AKR1C3: variants seen among roughly 807,000 people sequenced by gnomAD.
AKR1C3 encodes the protein 3-alpha hydroxysteroid dehydrogenase, type II.
AKR1C3 carries 48 observed loss-of-function variants against 43.6 expected under a neutral mutation model. The ratio of observed to expected loss-of-function variants is 1.10; its 90% CI spans 0.87 to 1.40. The LOEUF is 1.40. Among genes scored for constraint, AKR1C3 ranks in the 40% most tolerant of loss-of-function variants. The probability of loss-of-function intolerance (pLI) is 0.00; values close to 1 mark genes in which losing one functional copy is unlikely to be tolerated. For missense variants in AKR1C3, 482 were observed against 391.2 expected (o/e 1.23, Z -1.96); for synonymous variants, 162 against 139.6 (o/e 1.16, Z -1.13).
chr10:5,082,994 T>C (rs951072225), intron 1 of AKR1C3, among the ~76,000 whole-genome samples: 1 of 152,182 alleles, frequency 6.6e-6, no homozygotes, highest in Non-Finnish European at 1.5e-5. Context: ...TTACTCATTA[T>C]GGGTCTGCTC....
At chr10:5,103,398 C>T (rs912318211) in intron 7 of AKR1C3, among the ~76,000 whole-genome samples, 4 of 151,960 alleles carry the variant, frequency 2.6e-5, no homozygotes, top group Non-Finnish European at 5.9e-5. Context: ...CATAATTATA[C>T]TATTAAATAG....
rs193156603 is a variant in AKR1C3 at position 5,052,365 on chromosome 10, G to A, written c.84+3470G>A. On this transcript the variant is annotated intron_variant, in intron 1 of 8. Coordinates refer to the AKR1C3 transcript ENST00000439082. ...TGAAATAACAAAGCTTCCACAGTGT[G>A]GAAGGGGACCTGAGCAGGTTGCCAC... 2.6e-4 allele frequency among the ~76,000 whole-genome samples: 39 copies of A among 152,334 alleles called. 1 individual carries two copies. Among genetic ancestry groups the A allele is most frequent in the Middle Eastern group, 6.8e-3 (2 of 294 alleles).
At chr10:5,055,424 T>G (rs543379728) in intron 1 of AKR1C3, among the ~76,000 whole-genome samples, 1 of 152,216 alleles carries the variant, frequency 6.6e-6, no homozygotes, top group Non-Finnish European at 1.5e-5. Flanking sequence ...AGTAGGCAGT[T>G]GTCTGACAGC....
At chr10:5,099,553 A>AAGATTATCTAGAGAGCAAAGCTTC in intron 5 of AKR1C3, 104 bp downstream of exon 5, 2 of 1,561,914 alleles carry the variant, frequency 1.3e-6, no homozygotes, top group Middle Eastern at 1.7e-4. Context: ...TGTGAAGTAG[A>AAGATTATCTAGAGAGCAAAGCTTC]AGATTATCTA....
intron 1 of AKR1C3, among the ~76,000 whole-genome samples, chr10:5,079,775 C>T (rs1250681082): frequency 6.6e-6 from 1 of 152,116 alleles, no homozygotes. Flanking sequence ...GTGAGGAAAT[C>T]TTCAATCATC....
Position 5,105,657 on chromosome 10 carries a change from C to T in AKR1C3, c.909C>T (p.Leu303=), listed in dbSNP as rs782173138. ...CCATAGATGGCCTAGACAGAAATCT[C>T]CACTATTTTAACAGTGATAGGTAAG... ...MKAIDGLDRN[L]HYFNSDSFAS... Residue 303 remains leucine, a synonymous_variant, in exon 8 of 9, where the codon CTC becomes CTT. Coordinates refer to ENST00000380554, the MANE Select transcript of AKR1C3 (RefSeq NM_003739.6). 1 of 1,613,574 alleles carries T rather than the reference C, an allele frequency of 6.2e-7. No individual in the cohort carries two copies.
In AKR1C3 at chr10:5,097,477, T is replaced by A. The variant is rs782433833; in HGVS notation, c.296T>A (p.Leu99Ter). 1.2e-6 allele frequency: 2 copies of A among 1,613,872 alleles called. No individual in the cohort carries two copies. Among genetic ancestry groups the A allele is most frequent in the Non-Finnish European group, 1.7e-6 (2 of 1,179,814 alleles). The change falls in exon 3 of 9, where the codon TTG becomes TAG. Residue 99 changes from leucine to a stop codon, truncating the protein, a stop_gained. Coordinates refer to ENST00000380554, the MANE Select transcript of AKR1C3 (RefSeq NM_003739.6). LOFTEE classifies it high-confidence loss of function. Reference sequence around the variant, plus strand: ...CGACCAGAGTTGGTCCGACCAGCCTTGGAAAACTCACTGAAGAAAGCTCAA... The same window carrying A: ...CGACCAGAGTTGGTCCGACCAGCCTAGGAAAACTCACTGAAGAAAGCTCAA... ...FHRPELVRPA[L>*]ENSLKKAQLD... is the part of the protein sequence containing the mutation.
chr10:5,099,648 G>A, intron 5 of AKR1C3, 199 bp downstream of exon 5: 2 of 915,688 alleles, frequency 2.2e-6, no homozygotes, highest in South Asian at 3.6e-5. Context: ...ATTGGAATGA[G>A]TTTAATGCTG....
Position 5,074,138 on chromosome 10 carries a change from G to A in AKR1C3, c.85-22272G>A, listed in dbSNP as rs531091056. On this transcript the variant is annotated intron_variant, in intron 1 of 8. Transcript: ENST00000439082. ...CCACTTCAAGTTGTCCCACCTTTCC[G>A]GACTGAACCAATGTTCATCATACAT... Among the ~76,000 whole-genome samples the A allele has an allele frequency of 7.2e-5, 11 of 152,112 alleles. No individual in the cohort carries two copies. The South Asian group carries it at 8.3e-4, about 12-fold the overall frequency.
chr10:5,094,742 T>C (rs554314495), intron 1 of AKR1C3, among the ~76,000 whole-genome samples: 2 of 152,222 alleles, frequency 1.3e-5, no homozygotes, highest in East Asian at 3.9e-4. Flanking sequence ...TTGTGCACTG[T>C]TTCTTTCTTC....
upstream of AKR1C3, among the ~76,000 whole-genome samples, chr10:5,089,756 C>T (rs374106058): frequency 5.7e-4 from 86 of 152,160 alleles, no homozygotes; most frequent in African/African-American, 2.0e-3. Flanking sequence ...TGATTAGAGT[C>T]CATTGCTGGA....
upstream of AKR1C3, among the ~76,000 whole-genome samples, chr10:5,092,483 C>CTTTT (rs35143522): frequency 8.9e-5 from 12 of 134,388 alleles, no homozygotes; most frequent in East Asian, 2.6e-3. Context: ...TCTCTTTACT[C>CTTTT]TTTTTTTTTT....
At position 5,103,546 on chromosome 10, in the gene AKR1C3, T is replaced by C. The variant is rs782456549; in HGVS notation, c.846+896T>C. On this transcript the variant is annotated intron_variant, in intron 7 of 8. Transcript: ENST00000380554. ...CTGTTCTTGGCTGGGCTCTCTCATGTGTTTGCAGGACAACGAGATAGCTCT... is the reference window on the plus strand; with the variant it reads ...CTGTTCTTGGCTGGGCTCTCTCATGCGTTTGCAGGACAACGAGATAGCTCT... Among the ~76,000 whole-genome samples the C allele has an allele frequency of 2.0e-5, 3 of 152,194 alleles. No individual in the cohort carries two copies. The South Asian group carries it at 6.2e-4, about 31-fold the overall frequency.
At position 5,097,255 on chromosome 10, in the gene AKR1C3, A is replaced by C. The variant is rs550713570; in HGVS notation, c.253-179A>C. Among the ~76,000 whole-genome samples, 3 of 152,286 alleles carry C rather than the reference A, an allele frequency of 2.0e-5. No individual in the cohort carries two copies. In the East Asian group the frequency reaches 5.8e-4, roughly 29 times the overall value. On this transcript the variant is annotated intron_variant, in intron 2 of 8. Transcript: ENST00000380554. ...GATGTACAAACTATACATCCAACGT[A>C]TAATAAAGTTTATAAGGATAGGTCA... is the stretch of plus-strand genomic sequence containing the variant.
At chr10:5,059,739 C>T (rs868974610) in intron 1 of AKR1C3, among the ~76,000 whole-genome samples, 3 of 152,062 alleles carry the variant, frequency 2.0e-5, no homozygotes, top group African/African-American at 7.2e-5. Context: ...CAGTGCTTGG[C>T]GATAGGCGAT....
chr10:5,104,775 C>T (rs1436230063), intron 7 of AKR1C3, among the ~76,000 whole-genome samples: 3 of 151,988 alleles, frequency 2.0e-5, no homozygotes, highest in African/African-American at 7.2e-5. Flanking sequence ...CTCCATTAAA[C>T]CATATGTATT....
intron 1 of AKR1C3, among the ~76,000 whole-genome samples, chr10:5,088,419 G>T (rs79605198): frequency 6.6e-6 from 1 of 151,936 alleles, no homozygotes; most frequent in African/African-American, 2.4e-5. Flanking sequence ...TTTATAAGTG[G>T]GGTGTTGATG....
chr10:5,099,449 G>T lies in AKR1C3; in HGVS notation c.570G>T (p.Gln190His). 1 of 1,614,142 alleles carries T rather than the reference G, an allele frequency of 6.2e-7. No homozygotes were observed. Among genetic ancestry groups the T allele is most frequent in the Non-Finnish European group, 8.5e-7 (1 of 1,180,020 alleles). ...TCAAGTACAAGCCTGTCTGCAACCA[G>T]GTGAGCTCCCTTGGCCTTCTCTCCT... ...PGLKYKPVCN[Q>H]VECHPYFNRS... Residue 190 changes from glutamine (Q) to histidine (H), a missense_variant and splice_region_variant, in exon 5 of 9, where the codon CAG becomes CAT. Gln to His is a conservative substitution (Grantham distance 24). Transcript: ENST00000380554.
At chr10:5,072,333 T>C (rs1444483658) in intron 1 of AKR1C3, among the ~76,000 whole-genome samples, 3 of 152,232 alleles carry the variant, frequency 2.0e-5, no homozygotes, top group African/African-American at 7.2e-5. Flanking sequence ...CATGCTTGCT[T>C]GAACTTCAAG....
Sources: allele counts gnomAD v4.1 joint callset (sites outside exome capture counted in the v4.1 genomes callset), GRCh38; gene constraint gnomAD v4.1.1; transcripts MANE v1.5; gene names NCBI Gene and HGNC (gene_info 2026-07-23, HGNC 2026-07-21).